CAMTA1: variants seen among roughly 807,000 people sequenced by gnomAD.
The protein encoded by CAMTA1 is calmodulin binding transcription activator 1.
CAMTA1 carries 27 observed loss-of-function variants against 170.9 expected under a neutral mutation model. The ratio of observed to expected loss-of-function variants is 0.16; its 90% confidence interval spans 0.12 to 0.22. CAMTA1 has a LOEUF of 0.22. Ranked by LOEUF, CAMTA1 falls within the 10% of genes least tolerant of loss-of-function variation. CAMTA1 has a pLI of 1.00. For missense variants in CAMTA1, 1,619 were observed against 2,217.2 expected (o/e 0.73, Z 5.42); for synonymous variants, 833 against 891.5 (o/e 0.93, Z 1.17).
chr1:7,123,703 G>C (rs1466809996), intron 4 of CAMTA1, among the ~76,000 whole-genome samples: 2 of 152,126 alleles, frequency 1.3e-5, no homozygotes, highest in African/African-American at 4.8e-5. Context: ...CTTCATTGGG[G>C]ATGCCTGTTC....
At chr1:7,061,393 G>T (rs558964984) in intron 3 of CAMTA1, among the ~76,000 whole-genome samples, 1 of 152,346 alleles carries the variant, frequency 6.6e-6, no homozygotes, top group African/African-American at 2.4e-5. Context: ...TGGCGAGCGG[G>T]TGTCACCCGA....
At chr1:6,908,048 A>G (rs1305998006) in intron 3 of CAMTA1, among the ~76,000 whole-genome samples, 1 of 152,034 alleles carries the variant, frequency 6.6e-6, no homozygotes, top group Non-Finnish European at 1.5e-5. Flanking sequence ...TCTCCCTCAG[A>G]CGTGCCAAGT....
At chr1:7,434,045 A>C (rs2092268235) in intron 5 of CAMTA1, among the ~76,000 whole-genome samples, 1 of 151,530 alleles carries the variant, frequency 6.6e-6, no homozygotes, top group Non-Finnish European at 1.5e-5. Flanking sequence ...TCCCTCCCCC[A>C]CATCCCTTCC....
chr1:6,959,804 C>T (rs546845018), intron 3 of CAMTA1, among the ~76,000 whole-genome samples: 7 of 152,194 alleles, frequency 4.6e-5, no homozygotes, highest in South Asian at 2.1e-4. Flanking sequence ...AGAGCTGAGC[C>T]GGGTTCAGAT....
chr1:7,015,032 C>T (rs983455606), intron 3 of CAMTA1, among the ~76,000 whole-genome samples: 1 of 152,158 alleles, frequency 6.6e-6, no homozygotes, highest in Non-Finnish European at 1.5e-5. Context: ...TTGAAAATTA[C>T]AGGATAGAAT....
intron 3 of CAMTA1, among the ~76,000 whole-genome samples, chr1:6,957,794 A>G (rs1689707797): frequency 6.6e-6 from 1 of 151,938 alleles, no homozygotes; most frequent in Non-Finnish European, 1.5e-5. Flanking sequence ...GAGGATTATG[A>G]CGTGGACATC....
chr1:7,433,993 G>A (rs1383118217), intron 5 of CAMTA1, among the ~76,000 whole-genome samples: 1 of 152,124 alleles, frequency 6.6e-6, no homozygotes, highest in African/African-American at 2.4e-5. Flanking sequence ...CCTATTGCCT[G>A]GACCTTGGGC....
intron 3 of CAMTA1, among the ~76,000 whole-genome samples, chr1:6,963,797 G>C (rs1244084747): frequency 6.6e-6 from 1 of 152,172 alleles, no homozygotes; most frequent in African/African-American, 2.4e-5. Context: ...GACCGTGCGA[G>C]CAGAGACGCC....
chr1:7,590,969 C>T (rs989606767), intron 6 of CAMTA1, among the ~76,000 whole-genome samples: 18 of 152,166 alleles, frequency 1.2e-4, no homozygotes, highest in African/African-American at 1.7e-4. Context: ...GAAAAGTGCA[C>T]GGAACAGATA....
chr1:7,255,175 A>G (rs1245326281), intron 5 of CAMTA1, among the ~76,000 whole-genome samples: 2 of 152,050 alleles, frequency 1.3e-5, no homozygotes, highest in Non-Finnish European at 2.9e-5. Flanking sequence ...ATTAGGAGAA[A>G]TACCTAATGT....
intron 4 of CAMTA1, among the ~76,000 whole-genome samples, chr1:7,217,004 T>C (rs1252619228): frequency 1.3e-5 from 2 of 152,252 alleles, no homozygotes; most frequent in African/African-American, 4.8e-5. Context: ...GCCTCATATG[T>C]CTTTGCCATC....
intron 3 of CAMTA1, among the ~76,000 whole-genome samples, chr1:6,904,401 C>T (rs1677813396): frequency 6.6e-6 from 1 of 152,228 alleles, no homozygotes; most frequent in South Asian, 2.1e-4. Flanking sequence ...GATGGCTCTC[C>T]TGAGCTTTAT....
At chr1:7,009,226 G>A (rs1164818583) in intron 3 of CAMTA1, among the ~76,000 whole-genome samples, 1 of 152,232 alleles carries the variant, frequency 6.6e-6, no homozygotes, top group Non-Finnish European at 1.5e-5. Context: ...CAGCTCCAAT[G>A]TGGCAGAGTT....
At chr1:7,344,908 G>C (rs1027992445) in intron 5 of CAMTA1, among the ~76,000 whole-genome samples, 3 of 82,654 alleles carry the variant, frequency 3.6e-5, no homozygotes, top group Admixed American at 2.7e-4. Context: ...CACCATGCCC[G>C]CCTAATTTTT....
intron 3 of CAMTA1, among the ~76,000 whole-genome samples, chr1:6,938,362 G>A (rs1685820324): frequency 6.6e-6 from 1 of 152,166 alleles, no homozygotes; most frequent in African/African-American, 2.4e-5. Context: ...TGGGGAGGAT[G>A]GAGGAGGCGC....
intron 3 of CAMTA1, among the ~76,000 whole-genome samples, chr1:6,981,418 T>C (rs1694421924): frequency 6.6e-6 from 1 of 152,204 alleles, no homozygotes; most frequent in Non-Finnish European, 1.5e-5. Context: ...AATTTTGCAC[T>C]CTAATTCTCA....
At chr1:7,084,809 CTG>C (rs1640513430) in intron 3 of CAMTA1, among the ~76,000 whole-genome samples, 1 of 152,162 alleles carries the variant, frequency 6.6e-6, no homozygotes, top group African/African-American at 2.4e-5. Context: ...GAGGGGCTGG[CTG>C]TCCGTGGGAA....
intron 4 of CAMTA1, among the ~76,000 whole-genome samples, chr1:7,246,194 G>A (rs1228994974): frequency 6.6e-6 from 1 of 152,190 alleles, no homozygotes; most frequent in South Asian, 2.1e-4. Flanking sequence ...CCAACTCAGC[G>A]TGTATCCTGC....
chr1:7,555,784 A>T (rs2094868111), intron 6 of CAMTA1, among the ~76,000 whole-genome samples: 1 of 151,974 alleles, frequency 6.6e-6, no homozygotes, highest in African/African-American at 2.4e-5. Context: ...CCTCTGTCAC[A>T]TTCCACCCCC....
Sources: allele counts gnomAD v4.1 joint callset (sites outside exome capture counted in the v4.1 genomes callset), GRCh38; gene constraint gnomAD v4.1.1; transcripts MANE v1.5; gene names NCBI Gene and HGNC (gene_info 2026-07-23, HGNC 2026-07-21).